Variants in BAZ1B observed in about 807,000 individuals in gnomAD.
The protein encoded by BAZ1B is bromodomain adjacent to zinc finger domain 1B.
Under a neutral mutation model 153.8 loss-of-function variants are expected in BAZ1B, and 22 were observed. The ratio of observed to expected loss-of-function variants is 0.14; its 90% CI spans 0.10 to 0.20. The LOEUF (loss-of-function observed/expected upper bound fraction) is 0.20, where lower values mean the gene tolerates loss of function less well. Among genes scored for constraint, BAZ1B ranks in the 10% least tolerant of loss-of-function variants. BAZ1B has a pLI of 1.00. For missense variants in BAZ1B, 1,325 were observed against 1,799.3 expected (o/e 0.74, Z 4.77); for synonymous variants, 676 against 633.4 (o/e 1.07, Z -1.01).
intron 15 of BAZ1B, among the ~76,000 whole-genome samples, 155 bp from the exon 16 acceptor site, chr7:73,447,534 A>G (rs1787883363): frequency 6.6e-6 from 1 of 152,204 alleles, no homozygotes; most frequent in African/African-American, 2.4e-5. Context: ...GTAAGCCAGG[A>G]GAGTTTTTCA....
At chr7:73,448,369 G>T (rs1211845655) in intron 15 of BAZ1B, among the ~76,000 whole-genome samples, 1 of 152,116 alleles carries the variant, frequency 6.6e-6, no homozygotes, top group Non-Finnish European at 1.5e-5. Flanking sequence ...TTTCAGTGTG[G>T]AAAACAACAG....
At chr7:73,492,989 A>G (rs1789713829) in intron 4 of BAZ1B, 68 bp from the exon 5 acceptor site, 2 of 1,489,092 alleles carry the variant, frequency 1.3e-6, no homozygotes, top group East Asian at 4.6e-5. Flanking sequence ...TTCATTAACA[A>G]GTCTTAACTG....
rs375181018 is a variant in BAZ1B at position 73,470,527 on chromosome 7, A to G, written c.2594-44T>C. 4.1e-5 allele frequency: 65 copies of G among 1,598,696 alleles called. No homozygotes were observed. In the African/African-American group the frequency reaches 8.4e-4, roughly 21 times the overall value. On this transcript the variant is annotated intron_variant, in intron 7 of 19. Coordinates refer to ENST00000339594, the MANE Select transcript of BAZ1B (RefSeq NM_032408.4). ...CTCAAATCAGATATTTTCCTAGTAA[A>G]TCCCACTCTTACAAATTAAATAAAA...
At chr7:73,501,946 A>G (rs1790149496) in intron 3 of BAZ1B, among the ~76,000 whole-genome samples, 1 of 142,106 alleles carries the variant, frequency 7.0e-6, no homozygotes, top group Admixed American at 7.5e-5. Context: ...GCTGGAGTGC[A>G]GTGGTGCAAT....
chr7:73,488,332 C>T (rs768151157), intron 6 of BAZ1B, among the ~76,000 whole-genome samples: 1 of 152,256 alleles, frequency 6.6e-6, no homozygotes. Flanking sequence ...TCTGTTGGTT[C>T]TGATTAGACT....
intron 6 of BAZ1B, among the ~76,000 whole-genome samples, chr7:73,480,192 A>G (rs1789149845): frequency 6.6e-6 from 1 of 151,776 alleles, no homozygotes. Context: ...GTCTCACTTT[A>G]AATTCATTGC....
intron 6 of BAZ1B, among the ~76,000 whole-genome samples, chr7:73,488,818 G>C (rs1554574925): frequency 2.0e-5 from 3 of 151,834 alleles, no homozygotes; most frequent in African/African-American, 7.3e-5. Flanking sequence ...TTCTTTTCAA[G>C]GCTGCCACTG....
chr7:73,458,742 G>A (rs1788286805), intron 13 of BAZ1B, among the ~76,000 whole-genome samples: 1 of 151,534 alleles, frequency 6.6e-6, no homozygotes, highest in Non-Finnish European at 1.5e-5. Flanking sequence ...AATATCTAGA[G>A]CAAGCATGGC....
intron 1 of BAZ1B, among the ~76,000 whole-genome samples, chr7:73,514,410 G>C (rs886799112): frequency 6.6e-6 from 1 of 151,964 alleles, no homozygotes; most frequent in Non-Finnish European, 1.5e-5. Flanking sequence ...GCGTGCGGCT[G>C]TAATCCCAGC....
In BAZ1B at chr7:73,442,556, G is replaced by A. The variant is rs1554565410; in HGVS notation, c.4095-3C>T. ...CCTCATCTCTGGTCACAGGCTCCCT[G>A]TGGAGAAGAACCAAATGGAGAATCT... On this transcript the variant is annotated splice_polypyrimidine_tract_variant and splice_region_variant and intron_variant, in intron 18 of 19. Coordinates refer to ENST00000339594, the MANE Select transcript of BAZ1B (RefSeq NM_032408.4). 6.2e-7 allele frequency: 1 copy of A among 1,604,636 alleles called. No individual in the cohort carries two copies. Among genetic ancestry groups the A allele is most frequent in the Non-Finnish European group, 8.5e-7 (1 of 1,174,044 alleles).
At position 73,508,440 on chromosome 7, in the gene BAZ1B, T is replaced by C; in HGVS notation, c.256A>G (p.Lys86Glu). Residue 86 changes from lysine to glutamate, a missense_variant, in exon 3 of 20, where the codon AAG becomes GAG. Physicochemically the swap from Lys to Glu is moderately conservative, Grantham distance 56. This residue lies in a region of BAZ1B where 153 missense variants were observed against 204.8 expected (regional missense o/e 0.75). Transcript: ENST00000339594. ...TGGTGAACCATTTCCAGAACAAGCT[T>C]CTCATACCAGGCAGGAAACTCCTCC... ...LKEEFPAWYE[K>E]LVLEMVHHNT... 6.2e-7 allele frequency: 1 copy of C among 1,612,822 alleles called. No individual in the cohort carries two copies. The highest frequency in any genetic ancestry group is 8.5e-7 in the Non-Finnish European group (1 of 1,179,350).
In BAZ1B at chr7:73,489,344, T is replaced by C. The variant is rs139614639; in HGVS notation, c.741A>G (p.Pro247=). The C allele has an allele frequency of 3.7e-5, 59 of 1,614,066 alleles. No homozygotes were observed. The African/African-American group carries it at 7.3e-4, about 20-fold the overall frequency. ...AGTATCGAACTATCTCCTTATTTGG[T>C]GGGCGCTCTGTACGAATCAAGCTGT... ...PADSLIRTER[P]PNKEIVRYFI... is the part of the protein sequence containing the mutation. The change falls in exon 6 of 20, where the codon CCA becomes CCG. Residue 247 remains proline, a synonymous_variant. Transcript: ENST00000339594.
chr7:73,450,938 G>A lies in BAZ1B; in HGVS notation c.3489C>T (p.Ser1163=). 2 of 1,614,096 alleles carry A rather than the reference G, an allele frequency of 1.2e-6. No individual in the cohort carries two copies. The highest frequency in any genetic ancestry group is 8.5e-7 in the Non-Finnish European group (1 of 1,180,034). The stretch of plus-strand genomic sequence containing the variant: ...GCATCCCAAGCAGCACGTGCATCCT[G>A]GAGAAAGTCTGAGCTTCCCGGATTG... ...KTAIREAQTF[S]RMHVLLGMLD... is the part of the protein sequence containing the mutation. The change falls in exon 14 of 20, where the codon TCC becomes TCT. Residue 1163 remains serine (S), a synonymous_variant. Coordinates refer to ENST00000339594, the MANE Select transcript of BAZ1B (RefSeq NM_032408.4). The surrounding 1 kb of genome is among the most constrained non-coding windows in gnomAD (Gnocchi z 4.1).
At chr7:73,483,479 T>G (rs1300761634) in intron 6 of BAZ1B, among the ~76,000 whole-genome samples, 1 of 152,316 alleles carries the variant, frequency 6.6e-6, no homozygotes, top group Admixed American at 6.5e-5. Context: ...CCACATGCCT[T>G]TATTAGCAAG....
rs377098092 is a variant in BAZ1B, at chr7:73,510,716, G to A, written c.224+20C>T. 1.6e-5 allele frequency: 26 copies of A among 1,595,108 alleles called. No individual in the cohort carries two copies. The highest frequency in any genetic ancestry group is 2.2e-5 in the Non-Finnish European group (26 of 1,162,952). Reference sequence around the variant, plus strand: ...AACAATGTGAAGATGGTGGCAAAGAGCAATACTTCCATTACTTACAGCTCA... The same window carrying A: ...AACAATGTGAAGATGGTGGCAAAGAACAATACTTCCATTACTTACAGCTCA... On this transcript the variant is annotated intron_variant, in intron 2 of 19. Transcript: ENST00000339594.
At chr7:73,475,320 C>G (rs1244929838) in intron 7 of BAZ1B, among the ~76,000 whole-genome samples, 1 of 152,118 alleles carries the variant, frequency 6.6e-6, no homozygotes, top group Middle Eastern at 3.2e-3. Flanking sequence ...TGAAAACAAT[C>G]TAAATGTTTA....
At chr7:73,472,942 CTT>C (rs549183487) in intron 7 of BAZ1B, among the ~76,000 whole-genome samples, 1 of 141,002 alleles carries the variant, frequency 7.1e-6, no homozygotes. Flanking sequence ...CCCAGCTGAT[CTT>C]TTTTTTTTTT....
intron 6 of BAZ1B, among the ~76,000 whole-genome samples, chr7:73,479,508 C>CA (rs565909571): frequency 0.052 from 3,447 of 66,788 alleles, 85 homozygotes; most frequent in African/African-American, 0.092. Flanking sequence ...ACCCCCGTCT[C>CA]AAAAAAAAAA....
chr7:73,515,136 A>G (rs576802845), intron 1 of BAZ1B, among the ~76,000 whole-genome samples: 98 of 152,340 alleles, frequency 6.4e-4, no homozygotes, highest in African/African-American at 2.2e-3. Flanking sequence ...TTCTCTGCCA[A>G]GAATATACAG....
Sources: gnomAD v4.1 joint callset for allele counts (sites outside exome capture counted in the v4.1 genomes callset) on GRCh38, gnomAD v4.1.1 for gene constraint, gnomAD v4.1.1 regional missense constraint, Gnocchi (gnomAD v3.1) non-coding constraint, MANE v1.5 for transcripts, NCBI Gene and HGNC (gene_info 2026-07-23, HGNC 2026-07-21) for gene names.